CHGB: variants seen among roughly 807,000 people sequenced by gnomAD.
The protein encoded by CHGB is chromogranin B.
A neutral mutation model predicts 69.9 loss-of-function variants in CHGB; 46 were observed. The ratio of observed to expected loss-of-function variants is 0.66; its 90% CI spans 0.52 to 0.84. CHGB has a LOEUF of 0.84. Among genes scored for constraint, CHGB ranks in the 40% least tolerant of loss-of-function variants. The pLI, the probability that CHGB is intolerant of heterozygous loss-of-function variation, is 0.00. For missense variants in CHGB, 796 were observed against 822.2 expected (o/e 0.97, Z 0.39); for synonymous variants, 312 against 298.2 (o/e 1.05, Z -0.48).
chr20:5,915,085 C>T (rs1341379502), intron 1 of CHGB, among the ~76,000 whole-genome samples: 3 of 152,324 alleles, frequency 2.0e-5, no homozygotes, highest in African/African-American at 4.8e-5. Context: ...TCTGCACTAG[C>T]GTCTCCTGCT....
chr20:5,922,478 A>C lies in CHGB; in HGVS notation c.334A>C (p.Ile112Leu). The C allele has an allele frequency of 6.2e-7, 1 of 1,613,604 alleles. No individual in the cohort carries two copies. Among genetic ancestry groups the C allele is most frequent in the Non-Finnish European group, 8.5e-7 (1 of 1,179,642 alleles). ...GEAGAPGEED[I>L]QGPTKADTEK... ...GGCAGGAGCCCCAGGGGAGGAGGAC[A>C]TCCAAGGCCCAACAAAGGCAGACAC... Residue 112 changes from isoleucine (I) to leucine (L), a missense_variant, in exon 4 of 5, where the codon ATC becomes CTC. Transcript: ENST00000378961.
At chr20:5,914,973 C>T (rs757276975) in intron 1 of CHGB, among the ~76,000 whole-genome samples, 14 of 152,148 alleles carry the variant, frequency 9.2e-5, no homozygotes, top group Non-Finnish European at 1.5e-4. Flanking sequence ...AAGCATTTTG[C>T]AAGGAAAGGT....
chr20:5,911,562 C>T lies in CHGB; in HGVS notation c.-72C>T. 6.8e-7 allele frequency: 1 copy of T among 1,477,776 alleles called. No homozygotes were observed. Among genetic ancestry groups the T allele is most frequent in the Non-Finnish European group, 9.0e-7 (1 of 1,105,552 alleles). 91.5% of individuals were successfully genotyped at this position (1,477,776 alleles called of 1,614,324 possible). On this transcript the variant is annotated 5_prime_UTR_variant, in exon 1 of 5. Transcript: ENST00000378961. ...GTTTTCCGGGGCCGCTCCATCGCGCCTTCCTCCTGCGCCTCGCTTCTCCGG... is the reference window on the plus strand; with the variant it reads ...GTTTTCCGGGGCCGCTCCATCGCGCTTTCCTCCTGCGCCTCGCTTCTCCGG...
Position 5,923,442 on chromosome 20 carries a change from A to T in CHGB, c.1298A>T (p.Asp433Val). The T allele has an allele frequency of 6.2e-7, 1 of 1,614,144 alleles. No individual in the cohort carries two copies. The highest frequency in any genetic ancestry group is 8.5e-7 in the Non-Finnish European group (1 of 1,180,028). ...GAGCCACGTGCCTATTTCATGTCTG[A>T]CACCAGAGAAGAGAAAAGGTTCTTG... ...GGEPRAYFMS[D>V]TREEKRFLGE... Residue 433 changes from aspartate to valine, a missense_variant, in exon 4 of 5, where the codon GAC becomes GTC. Transcript: ENST00000378961.
chr20:5,923,260 T>C lies in CHGB; in HGVS notation c.1116T>C (p.Ala372=), dbSNP rs1421152193. The stretch of plus-strand genomic sequence containing the variant: ...GCAGAGGAAGTGAAGAATACAGGGC[T>C]CCAAGACCTCAGAGTGAGGAGAGTT... ...YRGRGSEEYR[A]PRPQSEESWD... is the part of the protein sequence containing the mutation. The change falls in exon 4 of 5, where the codon GCT becomes GCC. Residue 372 remains alanine (A), a synonymous_variant. Transcript: ENST00000378961. 3.7e-6 allele frequency: 6 copies of C among 1,613,518 alleles called. No individual in the cohort carries two copies. The highest frequency in any genetic ancestry group is 5.1e-6 in the Non-Finnish European group (6 of 1,179,934).
Position 5,925,075 on chromosome 20 carries a change from TAAG to T in CHGB, c.*30_*32del. The T allele has an allele frequency of 6.6e-7, 1 of 1,518,638 alleles. No homozygotes were observed. Among genetic ancestry groups the T allele is most frequent in the South Asian group, 1.1e-5 (1 of 87,140 alleles). 94.1% of individuals were successfully genotyped at this position (1,518,638 alleles called of 1,614,324 possible). On this transcript the variant is annotated 3_prime_UTR_variant, in exon 5 of 5. Transcript: ENST00000378961. The stretch of plus-strand genomic sequence containing the variant: ...CTGTCATTGGAGCGGTGGGCACTGT[TAAG>T]AAGCAGCCATCACATGATCTGTTTT...
chr20:5,916,159 G>A, intron 1 of CHGB, 167 bp from the exon 2 acceptor site: 1 of 618,736 alleles, frequency 1.6e-6, no homozygotes, highest in South Asian at 2.1e-5. Context: ...CTTGTCTGTG[G>A]TCTAGATTTG....
In CHGB at chr20:5,916,006, C is replaced by T. The variant is rs1600211359; in HGVS notation, c.50-320C>T. ...GGGATTACAAGCATGAGCCACCGCA[C>T]CCAGCCCTAGCTTAAACTTTTAATT... On this transcript the variant is annotated intron_variant, in intron 1 of 4. Coordinates refer to ENST00000378961, the MANE Select transcript of CHGB (RefSeq NM_001819.3). 3 of 200,976 alleles carry T rather than the reference C, an allele frequency of 1.5e-5. No homozygotes were observed. In the South Asian group the frequency reaches 3.9e-4, roughly 26 times the overall value. 12.4% of individuals were successfully genotyped at this position (200,976 alleles called of 1,614,324 possible).
chr20:5,911,671 T>C lies in CHGB; in HGVS notation c.38T>C (p.Val13Ala). Residue 13 changes from valine (V) to alanine (A), a missense_variant, in exon 1 of 5, where the codon GTG becomes GCG. Val to Ala is a moderately conservative substitution (Grantham distance 64). This residue lies in a region of CHGB where 518 missense variants were observed against 506.3 expected (regional missense o/e 1.02). Transcript: ENST00000378961. ...CTGCTTCTCAGCCTCCTGGGAGCCG[T>C]GGGGCTGGCGGGTGAGTGGGCGCGG... is the stretch of plus-strand genomic sequence containing the variant. ...PTLLLSLLGA[V>A]GLAAVNSMPV... 1 of 1,486,608 alleles carries C rather than the reference T, an allele frequency of 6.7e-7. No homozygotes were observed. The highest frequency in any genetic ancestry group is 1.3e-5 in the South Asian group (1 of 78,754). 92.1% of individuals were successfully genotyped at this position (1,486,608 alleles called of 1,614,324 possible). A position where few individuals can be genotyped will look rare whatever the true frequency, so the allele number is the denominator to read the frequency against.
Position 5,923,461 on chromosome 20 carries a change from G to T in CHGB, c.1317G>T (p.Arg439Ser). ...YFMSDTREEK[R>S]FLGEGHHRVQ... ...TGTCTGACACCAGAGAAGAGAAAAG[G>T]TTCTTGGGTGAAGGACACCACCGTG... Residue 439 changes from arginine (R) to serine (S), a missense_variant, in exon 4 of 5, where the codon AGG (arginine) becomes AGT (serine). Coordinates refer to ENST00000378961, the MANE Select transcript of CHGB (RefSeq NM_001819.3). 6.2e-7 allele frequency: 1 copy of T among 1,614,108 alleles called. No individual in the cohort carries two copies. The highest frequency in any genetic ancestry group is 1.1e-5 in the South Asian group (1 of 91,076).
intron 1 of CHGB, 181 bp from the exon 2 acceptor site, chr20:5,916,145 C>T: frequency 1.7e-6 from 1 of 603,666 alleles, no homozygotes; most frequent in African/African-American, 1.9e-5. Context: ...CCAGAAGTCC[C>T]CTCCTTGTCT....
In CHGB at chr20:5,923,227, C is replaced by T. The variant is rs146445864; in HGVS notation, c.1083C>T (p.Arg361=). ...VQAPEDLEWE[R]YRGRGSEEYR... is the part of the protein sequence containing the mutation. ...CCCCTGAGGACCTGGAGTGGGAGCG[C>T]TATAGGGGCAGAGGAAGTGAAGAAT... The change falls in exon 4 of 5, where the codon CGC becomes CGT. Residue 361 remains arginine (R), a synonymous_variant. Coordinates refer to ENST00000378961, the MANE Select transcript of CHGB (RefSeq NM_001819.3). 1.2e-5 allele frequency: 20 copies of T among 1,613,578 alleles called. No individual in the cohort carries two copies. The African/African-American group carries it at 2.0e-4, about 16-fold the overall frequency.
chr20:5,911,780 G>C (rs1158539374), intron 1 of CHGB, 98 bp downstream of exon 1: 2 of 1,130,860 alleles, frequency 1.8e-6, no homozygotes, highest in Non-Finnish European at 1.2e-6. Flanking sequence ...CGGGAGAGAG[G>C]GAGGGTTGAG....
At chr20:5,912,618 T>C (rs1320909307) in intron 1 of CHGB, among the ~76,000 whole-genome samples, 2 of 152,044 alleles carry the variant, frequency 1.3e-5, no homozygotes, top group Non-Finnish European at 2.9e-5. Context: ...AAATGATCTC[T>C]GAAGATCTGA....
At chr20:5,911,703 G>A (rs2088447807) in intron 1 of CHGB, 21 bp downstream of exon 1, 5 of 1,424,024 alleles carry the variant, frequency 3.5e-6, no homozygotes, top group Admixed American at 2.9e-5. Flanking sequence ...GCGGCGGGCC[G>A]GTCAGCACCG....
intron 1 of CHGB, 87 bp from the exon 2 acceptor site, chr20:5,916,239 A>G: frequency 1.0e-6 from 1 of 965,536 alleles, no homozygotes; most frequent in Non-Finnish European, 1.6e-6. Context: ...AAAAACAACA[A>G]CTAATGTGGG....
rs770180159 is a variant in CHGB at position 5,923,644 on chromosome 20, G to A, written c.1500G>A (p.Arg500=). The A allele has an allele frequency of 9.9e-6, 16 of 1,613,810 alleles. No homozygotes were observed. The African/African-American group carries it at 1.2e-4, about 12-fold the overall frequency. The change falls in exon 4 of 5, where the codon AGG becomes AGA. Residue 500 remains arginine (R), a synonymous_variant. Coordinates refer to ENST00000378961, the MANE Select transcript of CHGB (RefSeq NM_001819.3). The stretch of plus-strand genomic sequence containing the variant: ...CTAAAGAAAACAGGGAGGAAGCTAG[G>A]TTTCAAGATAAACAATATAGCTCCC... The part of the protein sequence containing the change: ...QDTKENREEA[R]FQDKQYSSHH...
intron 1 of CHGB, 52 bp downstream of exon 1, chr20:5,911,734 C>G (rs926867934): frequency 2.9e-6 from 4 of 1,360,808 alleles, no homozygotes; most frequent in African/African-American, 1.5e-5. Context: ...CAGCCTCGCT[C>G]TTCCCCGCCG....
chr20:5,913,042 G>A (rs929191062), intron 1 of CHGB, among the ~76,000 whole-genome samples: 11 of 152,250 alleles, frequency 7.2e-5, no homozygotes, highest in Non-Finnish European at 1.3e-4. Flanking sequence ...GAAAAGAATT[G>A]CTTTGCTTAG....
Sources: gnomAD v4.1 joint callset for allele counts (sites outside exome capture counted in the v4.1 genomes callset) on GRCh38, gnomAD v4.1.1 for gene constraint, gnomAD v4.1.1 regional missense constraint, MANE v1.5 for transcripts, NCBI Gene and HGNC (gene_info 2026-07-23, HGNC 2026-07-21) for gene names.